NTM: variants seen among roughly 807,000 people sequenced by gnomAD.
The protein encoded by NTM is neurotrimin, also known as IgLON family member 2.
A neutral mutation model predicts 42.1 loss-of-function variants in NTM; 13 were observed. The observed-to-expected ratio is 0.31, with a 90% CI of 0.20 to 0.49. NTM has a LOEUF of 0.49. NTM is among the 20% of genes least tolerant of loss of function. The pLI is 0.99. For synonymous variants in NTM, 187 were observed against 179.2 expected (o/e 1.04, Z -0.35); for missense variants, 373 against 452.8 (o/e 0.82, Z 1.60).
At chr11:132,127,923 T>A (rs536132531) in intron 2 of NTM, among the ~76,000 whole-genome samples, 1 of 152,332 alleles carries the variant, frequency 6.6e-6, no homozygotes, top group Admixed American at 6.5e-5. Context: ...CCCTTCCCCA[T>A]CCAAGGGACT....
intron 2 of NTM, among the ~76,000 whole-genome samples, chr11:132,088,910 AT>A (rs34458278): frequency 0.64 from 96,733 of 150,098 alleles, 32,080 homozygotes; most frequent in African/African-American, 0.79. Context: ...CCCTTTAAAG[AT>A]TTTTTTTTTT....
chr11:131,689,979 G>A (rs1285089192), intron 1 of NTM, among the ~76,000 whole-genome samples: 1 of 152,170 alleles, frequency 6.6e-6, no homozygotes, highest in Non-Finnish European at 1.5e-5. Context: ...TGTTGTGTTG[G>A]CAATGACAGC....
chr11:132,099,610 A>C (rs528454111), intron 2 of NTM, among the ~76,000 whole-genome samples: 25 of 152,278 alleles, frequency 1.6e-4, no homozygotes, highest in Non-Finnish European at 3.1e-4. Context: ...CCAGGTCTAT[A>C]GACTCCCTCC....
At chr11:132,018,141 C>T (rs2073741686) in intron 2 of NTM, among the ~76,000 whole-genome samples, 2 of 151,278 alleles carry the variant, frequency 1.3e-5, no homozygotes. Flanking sequence ...CTCTCTTTTC[C>T]TCCCTCTCTC....
intron 3 of NTM, among the ~76,000 whole-genome samples, chr11:132,154,166 G>A (rs779482296): frequency 2.0e-5 from 3 of 152,166 alleles, no homozygotes; most frequent in Non-Finnish European, 4.4e-5. Context: ...AGTTTCAGGT[G>A]GAACCAGATA....
At chr11:131,521,316 GAAAT>G (rs201311970) in intron 1 of NTM, among the ~76,000 whole-genome samples, 15,734 of 109,422 alleles carry the variant, frequency 0.14, 1,505 homozygotes, top group African/African-American at 0.28. Flanking sequence ...CTCCATCTCA[GAAAT>G]AAATAAATAA....
chr11:131,829,328 T>TGTACCC (rs1169956317), intron 1 of NTM, among the ~76,000 whole-genome samples: 1 of 152,138 alleles, frequency 6.6e-6, no homozygotes, highest in Non-Finnish European at 1.5e-5. Context: ...TATCAACCTT[T>TGTACCC]GTACCCCTCC....
chr11:132,288,764 C>T lies in NTM; in HGVS notation c.527-18925C>T, dbSNP rs565844623. On this transcript the variant is annotated intron_variant, in intron 4 of 8. Coordinates refer to ENST00000683400, the MANE Select transcript of NTM (RefSeq NM_001352005.2). ...CCTCCTGAGTAGCTGGGATTACAGG[C>T]GCCCACCACCACGCCCAGCTAATTT... Among the ~76,000 whole-genome samples, 39 of 152,084 alleles carry T rather than the reference C, an allele frequency of 2.6e-4. No individual in the cohort carries two copies. The East Asian group carries it at 3.3e-3, about 13-fold the overall frequency.
intron 1 of NTM, among the ~76,000 whole-genome samples, chr11:131,717,931 A>C (rs2077894985): frequency 6.6e-6 from 1 of 152,176 alleles, no homozygotes; most frequent in Admixed American, 6.5e-5. Flanking sequence ...CAGATGTTAC[A>C]GTTTGTCAAA....
chr11:131,645,414 G>C (rs535585258), intron 1 of NTM, among the ~76,000 whole-genome samples: 1 of 152,196 alleles, frequency 6.6e-6, no homozygotes, highest in Non-Finnish European at 1.5e-5. Context: ...GGCAGCAGAC[G>C]TGCTGGGGAA....
At chr11:132,096,351 G>C (rs1185095100) in intron 2 of NTM, among the ~76,000 whole-genome samples, 1 of 152,112 alleles carries the variant, frequency 6.6e-6, no homozygotes, top group East Asian at 1.9e-4. Context: ...TTTGCTATAG[G>C]CTGCAGGATA....
chr11:131,986,887 A>T (rs574666908), intron 2 of NTM, among the ~76,000 whole-genome samples: 17 of 152,346 alleles, frequency 1.1e-4, no homozygotes, highest in Admixed American at 9.1e-4. Flanking sequence ...AATCTGACAC[A>T]TTCCAACATA....
intron 4 of NTM, among the ~76,000 whole-genome samples, chr11:132,231,949 G>C (rs770127025): frequency 4.5e-4 from 69 of 152,300 alleles, no homozygotes; most frequent in Non-Finnish European, 7.9e-4. Context: ...CAGTGCAGTG[G>C]GAGGAGACCC....
At chr11:131,980,504 T>C (rs953627163) in intron 2 of NTM, among the ~76,000 whole-genome samples, 1 of 152,256 alleles carries the variant, frequency 6.6e-6, no homozygotes, top group Admixed American at 6.5e-5. Context: ...CATTATGGCT[T>C]ACTTATTGAA....
intron 4 of NTM, among the ~76,000 whole-genome samples, chr11:132,240,338 A>G (rs1007739535): frequency 6.6e-6 from 1 of 152,202 alleles, no homozygotes; most frequent in Admixed American, 6.5e-5. Context: ...TTATTGAACC[A>G]TAGATAAAAG....
intron 1 of NTM, chr11:131,911,164 C>A (rs1565716571): frequency 7.6e-7 from 1 of 1,309,620 alleles, no homozygotes; most frequent in African/African-American, 1.5e-5. Context: ...GCTCCTGAGA[C>A]GCGCCCACAC....
chr11:131,973,633 A>G (rs370558309), intron 2 of NTM, among the ~76,000 whole-genome samples: 7 of 152,330 alleles, frequency 4.6e-5, no homozygotes, highest in East Asian at 1.9e-4. Context: ...CTTGGCCAAC[A>G]TGGGGAAACC....
At chr11:131,627,222 T>A (rs1214058253) in intron 1 of NTM, among the ~76,000 whole-genome samples, 3 of 146,906 alleles carry the variant, frequency 2.0e-5, no homozygotes, top group South Asian at 4.3e-4. Flanking sequence ...GGCTTTTATT[T>A]ATTTATTTTT....
intron 1 of NTM, among the ~76,000 whole-genome samples, chr11:131,452,627 T>C (rs1283900170): frequency 2.6e-5 from 4 of 152,264 alleles, no homozygotes; most frequent in African/African-American, 7.2e-5. Flanking sequence ...ACTATCGACA[T>C]AGACGTGTAT....
Sources: gnomAD v4.1 joint callset for allele counts (sites outside exome capture counted in the v4.1 genomes callset) on GRCh38, gnomAD v4.1.1 for gene constraint, MANE v1.5 for transcripts, NCBI Gene and HGNC (gene_info 2026-07-23, HGNC 2026-07-21) for gene names.